Variants in ATXN7L1 observed in about 807,000 individuals in gnomAD.
The protein encoded by ATXN7L1 is ataxin 7 like 1, also known as ataxin-7-like protein 1.
In ATXN7L1, 15 loss-of-function variants were observed where a neutral mutation model predicts 70.8. That is an observed-to-expected ratio of 0.21 (90% CI 0.14 to 0.33). The LOEUF (loss-of-function observed/expected upper bound fraction) is 0.33. Ranked by LOEUF, ATXN7L1 falls within the 10% of genes least tolerant of loss-of-function variation. The pLI is 1.00. For synonymous variants in ATXN7L1, 440 were observed against 445.1 expected (o/e 0.99, Z 0.14); for missense variants, 975 against 1,097.1 (o/e 0.89, Z 1.57).
At chr7:105,875,635 C>CCCG (rs1554490258) in intron 2 of ATXN7L1, among the ~76,000 whole-genome samples, 177 bp downstream of exon 2, 4 of 127,584 alleles carry the variant, frequency 3.1e-5, no homozygotes, top group Non-Finnish European at 6.8e-5. Context: ...TTACCCCCCC[C>CCCG]CCAGTTGTAT....
At chr7:105,686,902 G>A (rs1262442860) in intron 3 of ATXN7L1, among the ~76,000 whole-genome samples, 1 of 152,134 alleles carries the variant, frequency 6.6e-6, no homozygotes, top group Non-Finnish European at 1.5e-5. Context: ...CAGGGAGTTG[G>A]CCCAGAAAGG....
chr7:105,683,428 C>T (rs1395407361), intron 3 of ATXN7L1, among the ~76,000 whole-genome samples: 1 of 152,114 alleles, frequency 6.6e-6, no homozygotes, highest in Non-Finnish European at 1.5e-5. Context: ...GCCTATAACC[C>T]CAGAACTTTG....
chr7:105,718,708 C>G (rs181761241), intron 3 of ATXN7L1, among the ~76,000 whole-genome samples: 1 of 152,206 alleles, frequency 6.6e-6, no homozygotes, highest in East Asian at 1.9e-4. Context: ...TGGGGCCAAC[C>G]CAGGTTACTA....
intron 3 of ATXN7L1, among the ~76,000 whole-genome samples, chr7:105,737,787 C>T (rs1187932178): frequency 6.6e-6 from 1 of 152,286 alleles, no homozygotes. Context: ...CGTGGAGCTG[C>T]AGGTTCCTGC....
chr7:105,711,058 C>T (rs1342639097), intron 3 of ATXN7L1, among the ~76,000 whole-genome samples: 1 of 152,134 alleles, frequency 6.6e-6, no homozygotes, highest in African/African-American at 2.4e-5. Flanking sequence ...GGGGAAACCG[C>T]CCCCATGATT....
At chr7:105,826,011 T>C (rs1219857352) in intron 2 of ATXN7L1, among the ~76,000 whole-genome samples, 5 of 152,132 alleles carry the variant, frequency 3.3e-5, no homozygotes, top group Non-Finnish European at 5.9e-5. Context: ...TCCGAGATCC[T>C]AAATACCTAA....
In ATXN7L1 at chr7:105,606,159, T is replaced by C. The variant is rs1297683370; in HGVS notation, c.*1693A>G. ...AAGTGCACTTTTAACACTGTAGAAA[T>C]AAAAATGAAATCATCCGAACTAATG... On this transcript the variant is annotated 3_prime_UTR_variant, in exon 12 of 12. Transcript: ENST00000419735. 1 of 152,112 alleles carries C rather than the reference T, an allele frequency of 6.6e-6. No homozygotes were observed. The highest frequency in any genetic ancestry group is 2.4e-5 in the African/African-American group (1 of 41,426). The allele number at this position is 152,112 out of a possible 1,614,324, so 9.4% of individuals were successfully genotyped here.
chr7:105,619,570 G>T (rs1329741684), intron 9 of ATXN7L1, among the ~76,000 whole-genome samples: 3 of 89,668 alleles, frequency 3.3e-5, no homozygotes, highest in South Asian at 4.4e-4. Flanking sequence ...TTTTTTTTAA[G>T]AGAGAGGGTC....
intron 3 of ATXN7L1, among the ~76,000 whole-genome samples, chr7:105,716,712 C>T (rs1334560510): frequency 9.6e-6 from 1 of 104,278 alleles, no homozygotes; most frequent in African/African-American, 4.8e-5. Flanking sequence ...CACACACACA[C>T]ACACACACAG....
intron 3 of ATXN7L1, among the ~76,000 whole-genome samples, chr7:105,721,462 C>T (rs1175525849): frequency 1.3e-5 from 2 of 152,166 alleles, no homozygotes; most frequent in African/African-American, 2.4e-5. Context: ...TCTGAGGCTC[C>T]GAATGCTCTG....
chr7:105,694,345 T>C (rs1791436909), intron 3 of ATXN7L1, among the ~76,000 whole-genome samples: 1 of 152,190 alleles, frequency 6.6e-6, no homozygotes, highest in Non-Finnish European at 1.5e-5. Context: ...TGCACCTGGC[T>C]GAGAAGTGAG....
intron 3 of ATXN7L1, among the ~76,000 whole-genome samples, chr7:105,699,334 G>A (rs1792146947): frequency 6.6e-6 from 1 of 151,934 alleles, no homozygotes; most frequent in African/African-American, 2.4e-5. Context: ...ATTTTGCCGT[G>A]TTGGCCAGGC....
At chr7:105,762,981 T>C (rs1563073458) in intron 3 of ATXN7L1, among the ~76,000 whole-genome samples, 1 of 152,058 alleles carries the variant, frequency 6.6e-6, no homozygotes, top group East Asian at 1.9e-4. Flanking sequence ...ATCTTAGGAG[T>C]GGGTCCTCCA....
At chr7:105,851,348 T>G (rs1267898172) in intron 2 of ATXN7L1, among the ~76,000 whole-genome samples, 1 of 152,186 alleles carries the variant, frequency 6.6e-6, no homozygotes, top group African/African-American at 2.4e-5. Flanking sequence ...CCCTGCACCA[T>G]CGAGTTCCTC....
intron 3 of ATXN7L1, among the ~76,000 whole-genome samples, chr7:105,703,536 A>C (rs368387697): frequency 1.6e-4 from 24 of 152,334 alleles, no homozygotes; most frequent in African/African-American, 5.3e-4. Flanking sequence ...TTTATTGTTG[A>C]AACTTGTGAC....
chr7:105,813,307 C>T (rs1310330661), intron 2 of ATXN7L1, among the ~76,000 whole-genome samples: 5 of 151,792 alleles, frequency 3.3e-5, no homozygotes, highest in African/African-American at 1.2e-4. Context: ...GTGTTCACTA[C>T]CTTCTTTTCT....
chr7:105,863,684 T>C (rs1438851234), intron 2 of ATXN7L1, among the ~76,000 whole-genome samples: 2 of 152,130 alleles, frequency 1.3e-5, no homozygotes, highest in Non-Finnish European at 2.9e-5. Flanking sequence ...TATGTTACCT[T>C]GGGTAAATCA....
chr7:105,675,554 G>A (rs1804504512), intron 3 of ATXN7L1, among the ~76,000 whole-genome samples: 2 of 152,050 alleles, frequency 1.3e-5, no homozygotes, highest in African/African-American at 2.4e-5. Flanking sequence ...GAACCTGGGA[G>A]GCAGAGGTTG....
intron 3 of ATXN7L1, among the ~76,000 whole-genome samples, chr7:105,698,318 A>G (rs1033509539): frequency 5.9e-5 from 9 of 152,084 alleles, no homozygotes; most frequent in African/African-American, 2.2e-4. Flanking sequence ...CTGATGTCAC[A>G]ATGTCAGTTT....
Sources: allele counts gnomAD v4.1 joint callset (sites outside exome capture counted in the v4.1 genomes callset), GRCh38; gene constraint gnomAD v4.1.1; transcripts MANE v1.5; gene names NCBI Gene and HGNC (gene_info 2026-07-23, HGNC 2026-07-21).